ITM2C: variants seen among roughly 807,000 people sequenced by gnomAD.
ITM2C encodes integral membrane protein 2C.
A neutral mutation model predicts 30.0 loss-of-function variants in ITM2C; 20 were observed. The observed-to-expected ratio is 0.67, with a 90% CI of 0.47 to 0.97. ITM2C has a LOEUF of 0.97. Ranked by LOEUF, ITM2C falls within the 50% of genes least tolerant of loss-of-function variation. ITM2C has a pLI of 0.00. For missense variants in ITM2C, 366 were observed against 371.9 expected, an observed-to-expected ratio of 0.98 and a Z score of 0.13; for synonymous variants, 167 against 156.4, an observed-to-expected ratio of 1.07 and a Z score of -0.51.
At chr2:230,864,856 C>A (rs1696982458), upstream of ITM2C, 2 of 824,430 alleles carry the variant, frequency 2.4e-6, no homozygotes, top group Non-Finnish European at 3.2e-6. This position sits in a 1 kb window ranked among gnomAD's most constrained non-coding sequence, Gnocchi z 4.3. Flanking sequence ...GCGCGGCGGG[C>A]GCCGGGGCCC....
Position 230,865,044 on chromosome 2 carries a change from C to A in ITM2C, c.19C>A (p.Gln7Lys). 2 of 1,523,344 alleles carry A rather than the reference C, an allele frequency of 1.3e-6. No individual in the cohort carries two copies. Among genetic ancestry groups the A allele is most frequent in the Non-Finnish European group, 8.9e-7 (1 of 1,129,546 alleles). The allele number at this position is 1,523,344 out of a possible 1,614,324, so 94.4% of individuals were successfully genotyped here. A position where few individuals can be genotyped will look rare whatever the true frequency, so the allele number is the denominator to read the frequency against. MVKISF[Q>K]PAVAGIKGDK... ...CGCAGCCATGGTGAAGATTAGCTTCCAGCCCGCCGTGGCTGGCATCAAGGG... is the reference window on the plus strand; with the variant it reads ...CGCAGCCATGGTGAAGATTAGCTTCAAGCCCGCCGTGGCTGGCATCAAGGG... Residue 7 changes from glutamine to lysine, a missense_variant, in exon 1 of 6, where the codon CAG (glutamine) becomes AAG (lysine). Physicochemically the swap from Gln to Lys is moderately conservative, Grantham distance 53. Transcript: ENST00000326427. This position sits in a 1 kb window ranked among gnomAD's most constrained non-coding sequence, Gnocchi z 6.8.
Position 230,865,305 on chromosome 2 carries a change from G to T in ITM2C, c.120+160G>T. On this transcript the variant is annotated intron_variant, in intron 1 of 5. Transcript: ENST00000326427. The surrounding 1 kb of genome is among the most constrained non-coding windows in gnomAD (Gnocchi z 6.8). The stretch of plus-strand genomic sequence containing the variant: ...CGAATGGTTGCTTATCCCAGAATGA[G>T]GAGGGGGCTTAAGTCCCGTACTAAA... 1 of 743,436 alleles carries T rather than the reference G, an allele frequency of 1.3e-6. No homozygotes were observed. The highest frequency in any genetic ancestry group is 1.9e-6 in the Non-Finnish European group (1 of 535,674). 46.1% of individuals were successfully genotyped at this position (743,436 alleles called of 1,614,324 possible). A position where few individuals can be genotyped will look rare whatever the true frequency, so the allele number is the denominator to read the frequency against.
intron 3 of ITM2C, among the ~76,000 whole-genome samples, chr2:230,876,346 G>A (rs1158667706): frequency 6.6e-6 from 1 of 152,166 alleles, no homozygotes; most frequent in South Asian, 2.1e-4. Flanking sequence ...CTATCATGTG[G>A]CACCTTCTAC....
chr2:230,876,770 G>A (rs982832813), intron 3 of ITM2C, 87 bp from the exon 4 acceptor site: 42 of 846,674 alleles, frequency 5.0e-5, no homozygotes, highest in Non-Finnish European at 7.1e-5. Context: ...ATGAGCCACC[G>A]CGCCTGGCTG....
At chr2:230,875,948 C>A in intron 3 of ITM2C, 140 bp downstream of exon 3, 1 of 678,890 alleles carries the variant, frequency 1.5e-6, no homozygotes, top group Non-Finnish European at 2.4e-6. Flanking sequence ...CAAGACACTG[C>A]TTTTCTCCTG....
At position 230,873,215 on chromosome 2, in the gene ITM2C, G is replaced by T. The variant is rs1574594850; in HGVS notation, c.121-202G>T. 4 of 462,728 alleles carry T rather than the reference G, an allele frequency of 8.6e-6. No individual in the cohort carries two copies. In the South Asian group the frequency reaches 1.7e-4, roughly 20 times the overall value. The allele number at this position is 462,728 out of a possible 1,614,324, so 28.7% of individuals were successfully genotyped here. On this transcript the variant is annotated intron_variant, in intron 1 of 5. Coordinates refer to ENST00000326427, the MANE Select transcript of ITM2C (RefSeq NM_030926.6). ...GGTGTGTCTCCTTTTCTCTTTCGAG[G>T]TTTGTCTCGGTTTCTCTTTAGCCAG...
chr2:230,879,132 GGCTGTAACGC>G lies in ITM2C; in HGVS notation c.*1034_*1043del, dbSNP rs1159988831. 6.6e-6 allele frequency: 1 copy of G among 152,614 alleles called. No homozygotes were observed. The highest frequency in any genetic ancestry group is 1.9e-4 in the East Asian group (1 of 5,200). The allele number at this position is 152,614 out of a possible 1,614,324, so 9.5% of individuals were successfully genotyped here. A position where few individuals can be genotyped will look rare whatever the true frequency, so the allele number is the denominator to read the frequency against. On this transcript the variant is annotated 3_prime_UTR_variant, in exon 6 of 6. Coordinates refer to ENST00000326427, the MANE Select transcript of ITM2C (RefSeq NM_030926.6). ...CTCAGCCCTGAGCCTTGGAGAGGAG[GGCTGTAACGC>G]CTTCAGTCAGTCTCTGGGGATGAAA...
chr2:230,872,180 G>A (rs1397128819), intron 1 of ITM2C, among the ~76,000 whole-genome samples: 1 of 152,232 alleles, frequency 6.6e-6, no homozygotes, highest in Non-Finnish European at 1.5e-5. Context: ...CTCTGGGGCT[G>A]GATCCCCTCC....
chr2:230,864,733 C>T (rs3098325), upstream of ITM2C: 125,527 of 177,694 alleles, frequency 0.71, 45,347 homozygotes, highest in East Asian at 0.91. This position sits in a 1 kb window ranked among gnomAD's most constrained non-coding sequence, Gnocchi z 4.3. Flanking sequence ...AGTGAGCGAG[C>T]GAGTGAGTGA....
chr2:230,876,839 A>C lies in ITM2C; in HGVS notation c.451-18A>C. On this transcript the variant is annotated intron_variant, in intron 3 of 5. Coordinates refer to ENST00000326427, the MANE Select transcript of ITM2C (RefSeq NM_030926.6). ...TGTCACCTCCTGCAGAGACTGACCC[A>C]ACCCCTTCTCCTGCCAGGGTCTGAC... The C allele has an allele frequency of 6.3e-7, 1 of 1,576,310 alleles. No individual in the cohort carries two copies. The highest frequency in any genetic ancestry group is 8.7e-7 in the Non-Finnish European group (1 of 1,146,194).
intron 1 of ITM2C, among the ~76,000 whole-genome samples, chr2:230,869,207 T>C (rs555066870): frequency 6.6e-6 from 1 of 152,214 alleles, no homozygotes; most frequent in African/African-American, 2.4e-5. Context: ...GCCTTGACTA[T>C]CAGGGATGGA....
chr2:230,874,842 T>C (rs1158077522), intron 2 of ITM2C, among the ~76,000 whole-genome samples: 1 of 152,006 alleles, frequency 6.6e-6, no homozygotes, highest in African/African-American at 2.4e-5. Context: ...ATTCAGTTGA[T>C]GGGATCACAC....
Position 230,875,745 on chromosome 2 carries a change from C to T in ITM2C, c.387C>T (p.Ile129=). 6.2e-7 allele frequency: 1 copy of T among 1,612,544 alleles called. No individual in the cohort carries two copies. The highest frequency in any genetic ancestry group is 8.5e-7 in the Non-Finnish European group (1 of 1,179,814). Residue 129 remains isoleucine (I), a synonymous_variant, in exon 3 of 6, where the codon ATC becomes ATT. Coordinates refer to ENST00000326427, the MANE Select transcript of ITM2C (RefSeq NM_030926.6). ...KIYLDENYER[I]NVPVPQFGGG... is the part of the protein sequence containing the mutation. ...ACCTCGACGAGAACTACGAGCGCAT[C>T]AACGTGCCTGTGCCCCAGTTTGGCG...
At chr2:230,869,098 G>A (rs1197728375) in intron 1 of ITM2C, among the ~76,000 whole-genome samples, 2 of 152,160 alleles carry the variant, frequency 1.3e-5, no homozygotes, top group Admixed American at 6.5e-5. Context: ...AATCACAGAG[G>A]CACAACCTGG....
Position 230,873,303 on chromosome 2 carries a change from C to T in ITM2C, c.121-114C>T, listed in dbSNP as rs570258709. 8 of 1,091,492 alleles carry T rather than the reference C, an allele frequency of 7.3e-6. No individual in the cohort carries two copies. In the South Asian group the frequency reaches 1.5e-4, roughly 21 times the overall value. 67.6% of individuals were successfully genotyped at this position (1,091,492 alleles called of 1,614,324 possible). A position where few individuals can be genotyped will look rare whatever the true frequency, so the allele number is the denominator to read the frequency against. On this transcript the variant is annotated intron_variant, in intron 1 of 5. Transcript: ENST00000326427. ...TTCTAGGTGTCATCTCCTTCCCTCC[C>T]TTTCCCCCAAGACTCCCTCCGGGCC... is the stretch of plus-strand genomic sequence containing the variant.
intron 1 of ITM2C, among the ~76,000 whole-genome samples, chr2:230,872,730 A>G (rs1347745): frequency 0.99 from 150,391 of 152,052 alleles, 74,380 homozygotes; most frequent in Middle Eastern, 1. Flanking sequence ...AGTGTGGATC[A>G]CAGGCCTAGA....
At chr2:230,864,917 C>T, upstream of ITM2C, 1 of 1,233,288 alleles carries the variant, frequency 8.1e-7, no homozygotes, top group Non-Finnish European at 1.0e-6. This position sits in a 1 kb window ranked among gnomAD's most constrained non-coding sequence, Gnocchi z 4.3. Flanking sequence ...GAGAGAGGGA[C>T]GCGAGCGGGA....
intron 1 of ITM2C, among the ~76,000 whole-genome samples, chr2:230,872,103 G>C (rs1268708152): frequency 1.3e-5 from 2 of 152,238 alleles, no homozygotes; most frequent in Non-Finnish European, 2.9e-5. Context: ...TTTGCAGATG[G>C]GGAAGCCGAG....
chr2:230,867,956 G>A (rs1292394273), intron 1 of ITM2C, among the ~76,000 whole-genome samples: 1 of 152,160 alleles, frequency 6.6e-6, no homozygotes, highest in Non-Finnish European at 1.5e-5. Flanking sequence ...ACCACACCCG[G>A]CCCAAAACAA....
Sources: gnomAD v4.1 joint callset for allele counts (sites outside exome capture counted in the v4.1 genomes callset) on GRCh38, gnomAD v4.1.1 for gene constraint, Gnocchi (gnomAD v3.1) non-coding constraint, MANE v1.5 for transcripts, NCBI Gene and HGNC (gene_info 2026-07-23, HGNC 2026-07-21) for gene names.